Variants in EYA3 observed in about 807,000 individuals in gnomAD.
EYA3 encodes EYA transcriptional coactivator and phosphatase 3.
Under a neutral mutation model 80.0 loss-of-function variants are expected in EYA3, and 39 were observed. The observed-to-expected ratio is 0.49, with a 90% CI of 0.38 to 0.64. EYA3 has a LOEUF of 0.64. Ranked by LOEUF, EYA3 falls within the 30% of genes least tolerant of loss-of-function variation. EYA3 has a pLI of 0.00. For synonymous variants in EYA3, 206 were observed against 232.8 expected, an observed-to-expected ratio of 0.88 and a Z score of 1.05; for missense variants, 523 against 676.1, an observed-to-expected ratio of 0.77 and a Z score of 2.51.
In EYA3 at chr1:28,043,330, GAAAA is replaced by G. The variant is rs59720447; in HGVS notation, c.78-684_78-681del. ...TATAAAACACCTTTTGCTTTTTTGT[GAAAA>G]AAAAAAAAAAAACGTGAAAACACTT... On this transcript the variant is annotated intron_variant, in intron 3 of 17. Coordinates refer to ENST00000373871, the MANE Select transcript of EYA3 (RefSeq NM_001990.4). 5.8e-3 allele frequency among the ~76,000 whole-genome samples: 722 copies of G among 125,168 alleles called. 4 individuals carry two copies. The highest frequency in any genetic ancestry group is 0.019 in the Admixed American group (231 of 12,392). 82.1% of individuals were successfully genotyped at this position (125,168 alleles called of 152,430 possible).
chr1:28,077,638 G>GAA (rs200519790), intron 1 of EYA3, among the ~76,000 whole-genome samples: 3 of 148,310 alleles, frequency 2.0e-5, no homozygotes, highest in Admixed American at 6.8e-5. Context: ...CAAGTGACAT[G>GAA]AAAAAAAAAC....
intron 2 of EYA3, among the ~76,000 whole-genome samples, chr1:28,054,502 CAGA>C (rs1171614163): frequency 6.6e-6 from 1 of 152,202 alleles, no homozygotes; most frequent in Non-Finnish European, 1.5e-5. Context: ...TCCAGATTCA[CAGA>C]AGCTTTATCC....
In EYA3 at chr1:28,013,974, A is replaced by T. The variant is rs1641865126; in HGVS notation, c.586-680T>A. ...GCTACTTGGGAGGCTAAGGCACAAGAATCGCTTGAACCTGGAAAGCGGAGG... is the reference window on the plus strand; with the variant it reads ...GCTACTTGGGAGGCTAAGGCACAAGTATCGCTTGAACCTGGAAAGCGGAGG... On this transcript the variant is annotated intron_variant, in intron 8 of 17. Transcript: ENST00000373871. This position sits in a 1 kb window ranked among gnomAD's most constrained non-coding sequence, Gnocchi z 4.0. Among the ~76,000 whole-genome samples, 1 of 152,180 alleles carries T rather than the reference A, an allele frequency of 6.6e-6. No individual in the cohort carries two copies.
chr1:28,037,093 C>T (rs2148849781), intron 5 of EYA3, among the ~76,000 whole-genome samples: 1 of 152,160 alleles, frequency 6.6e-6, no homozygotes, highest in Non-Finnish European at 1.5e-5. Flanking sequence ...GAATGCCAGG[C>T]TAAAAGGCAA....
intron 7 of EYA3, 114 bp from the exon 8 acceptor site, chr1:28,017,353 C>T: frequency 1.4e-6 from 1 of 706,640 alleles, no homozygotes; most frequent in Non-Finnish European, 2.3e-6. Context: ...ACAACATTGG[C>T]AAAGGAAACA....
chr1:28,032,906 T>C (rs918382514), intron 6 of EYA3, among the ~76,000 whole-genome samples: 2 of 152,218 alleles, frequency 1.3e-5, no homozygotes, highest in African/African-American at 2.4e-5. Flanking sequence ...GGTTCAATTA[T>C]AATCCCAGGC....
Position 28,010,978 on chromosome 1 carries a change from T to C in EYA3, c.878A>G (p.Asp293Gly), listed in dbSNP as rs1214838176. The change falls in exon 10 of 18, where the codon GAT becomes GGT. Residue 293 changes from aspartate (D) to glycine (G), a missense_variant. Physicochemically the swap from Asp to Gly is moderately conservative, Grantham distance 94. This residue lies in a region of EYA3 where 219 missense variants were observed against 332.8 expected (regional missense o/e 0.66). Coordinates refer to ENST00000373871, the MANE Select transcript of EYA3 (RefSeq NM_001990.4). ...TSKNRGKRKADATSSQDSELE... is the reference protein window; with the variant it reads ...TSKNRGKRKAGATSSQDSELE... ...TTCACTGTCTTGGGAAGAAGTGGCA[T>C]CAGCTTTCCTCTTGCCCCGGTTCTT... 6.2e-7 allele frequency: 1 copy of C among 1,614,116 alleles called. No homozygotes were observed. Among genetic ancestry groups the C allele is most frequent in the East Asian group, 2.2e-5 (1 of 44,880 alleles).
At position 27,972,234 on chromosome 1, in the gene EYA3, C is replaced by CA. The variant is rs1320177996; in HGVS notation, c.*2231dup. On this transcript the variant is annotated 3_prime_UTR_variant, in exon 18 of 18. Transcript: ENST00000373871. Reference sequence around the variant, plus strand: ...TGCATAGGGGGAGGGTTTGAGGCCTCAGAGTAAAACCTAGAGCTTCCTAAG... The same window carrying CA: ...TGCATAGGGGGAGGGTTTGAGGCCTCAAGAGTAAAACCTAGAGCTTCCTAAG... 3.3e-5 allele frequency: 5 copies of CA among 152,276 alleles called. No homozygotes were observed. Among genetic ancestry groups the CA allele is most frequent in the Admixed American group, 2.0e-4 (3 of 15,298 alleles). The allele number at this position is 152,276 out of a possible 1,614,324, so 9.4% of individuals were successfully genotyped here.
At chr1:27,999,055 C>T (rs1557545603) in intron 12 of EYA3, among the ~76,000 whole-genome samples, 1 of 152,192 alleles carries the variant, frequency 6.6e-6, no homozygotes. Context: ...AGGCATGAGC[C>T]ACCACGCCCA....
intron 16 of EYA3, among the ~76,000 whole-genome samples, chr1:27,987,396 C>T (rs1311907958): frequency 6.6e-6 from 1 of 152,212 alleles, no homozygotes; most frequent in African/African-American, 2.4e-5. Flanking sequence ...AAGCTCTGAA[C>T]TATTGTCAAT....
chr1:28,070,585 A>G (rs1644987476), intron 1 of EYA3, among the ~76,000 whole-genome samples: 1 of 151,936 alleles, frequency 6.6e-6, no homozygotes, highest in Non-Finnish European at 1.5e-5. Context: ...AGAAATGTAA[A>G]TAAGATAAGA....
chr1:28,038,585 C>G (rs184791944), intron 5 of EYA3, among the ~76,000 whole-genome samples: 3 of 151,732 alleles, frequency 2.0e-5, no homozygotes, highest in African/African-American at 4.8e-5. Flanking sequence ...ATCACTAACA[C>G]TATTTTGCAT....
rs1026440059 is a variant in EYA3 at position 27,970,378 on chromosome 1, A to G, written c.*4088T>C. The G allele has an allele frequency of 7.9e-5, 12 of 152,244 alleles. No homozygotes were observed. Among genetic ancestry groups the G allele is most frequent in the African/African-American group, 1.7e-4 (7 of 41,472 alleles). 9.4% of individuals were successfully genotyped at this position (152,244 alleles called of 1,614,324 possible). ...TAAAAACTTTATTTTTTTCAAGTTT[A>G]TAAGATAGTTCCCATTACATATAAC... On this transcript the variant is annotated 3_prime_UTR_variant, in exon 18 of 18. Coordinates refer to ENST00000373871, the MANE Select transcript of EYA3 (RefSeq NM_001990.4).
chr1:28,038,312 T>G (rs1643565061), intron 5 of EYA3, among the ~76,000 whole-genome samples: 1 of 151,956 alleles, frequency 6.6e-6, no homozygotes, highest in African/African-American at 2.4e-5. Context: ...GTGGCATGCC[T>G]GTAGTCCCAG....
At chr1:28,039,239 G>C (rs1037603860) in intron 4 of EYA3, among the ~76,000 whole-genome samples, 1 of 152,124 alleles carries the variant, frequency 6.6e-6, no homozygotes, top group African/African-American at 2.4e-5. Context: ...TAAAAAGCAA[G>C]CTTTATGTCT....
At position 27,972,048 on chromosome 1, in the gene EYA3, G is replaced by C. The variant is rs533738473; in HGVS notation, c.*2418C>G. On this transcript the variant is annotated 3_prime_UTR_variant, in exon 18 of 18. Coordinates refer to ENST00000373871, the MANE Select transcript of EYA3 (RefSeq NM_001990.4). ...AGGCCAATGATAAAAGTGAGTTCAA[G>C]TTACATTCTAAAATAAAGAGCTCCC... 2.6e-5 allele frequency: 4 copies of C among 152,352 alleles called. No homozygotes were observed. The South Asian group carries it at 8.3e-4, about 32-fold the overall frequency. 9.4% of individuals were successfully genotyped at this position (152,352 alleles called of 1,614,324 possible).
At chr1:28,073,724 C>T (rs928626741) in intron 1 of EYA3, among the ~76,000 whole-genome samples, 1 of 152,092 alleles carries the variant, frequency 6.6e-6, no homozygotes, top group Non-Finnish European at 1.5e-5. Context: ...ATGTGAGCCA[C>T]CGCACCTGGC....
chr1:28,054,411 A>AG (rs1644370407), intron 2 of EYA3, among the ~76,000 whole-genome samples: 1 of 152,224 alleles, frequency 6.6e-6, no homozygotes, highest in South Asian at 2.1e-4. Flanking sequence ...TGTAAACAAT[A>AG]GCATACCTAA....
In EYA3 at chr1:28,013,616, G is replaced by A. The variant is rs561332193; in HGVS notation, c.586-322C>T. ...GCCTCTTCCCCCAGTTTTATGTACC[G>A]AATTTCTGCACAGAATTTGAGGGAA... On this transcript the variant is annotated intron_variant, in intron 8 of 17. Transcript: ENST00000373871. The surrounding 1 kb of genome is among the most constrained non-coding windows in gnomAD (Gnocchi z 4.0). Among the ~76,000 whole-genome samples the A allele has an allele frequency of 3.5e-4, 53 of 152,204 alleles. 1 individual carries two copies. Among genetic ancestry groups the A allele is most frequent in the African/African-American group, 1.1e-3 (47 of 41,526 alleles).
Sources: gnomAD v4.1 joint callset for allele counts (sites outside exome capture counted in the v4.1 genomes callset) on GRCh38, gnomAD v4.1.1 for gene constraint, gnomAD v4.1.1 regional missense constraint, Gnocchi (gnomAD v3.1) non-coding constraint, MANE v1.5 for transcripts, NCBI Gene and HGNC (gene_info 2026-07-23, HGNC 2026-07-21) for gene names.